COL5A1: variants seen among roughly 807,000 people sequenced by gnomAD.
COL5A1 encodes collagen type V alpha 1 chain.
A neutral mutation model predicts 263.7 loss-of-function variants in COL5A1; 16 were observed. The observed-to-expected ratio is 0.06, with a 90% CI of 0.04 to 0.09. The LOEUF (loss-of-function observed/expected upper bound fraction) is 0.09, where lower values mean the gene tolerates loss of function less well. COL5A1 is among the 10% of genes least tolerant of loss of function. The pLI, the probability that COL5A1 is intolerant of heterozygous loss-of-function variation, is 1.00. For missense variants in COL5A1, 2,036 were observed against 2,540.5 expected, an observed-to-expected ratio of 0.80 and a Z score of 4.27; for synonymous variants, 1,012 against 1,004.5, an observed-to-expected ratio of 1.01 and a Z score of -0.14.
intron 29 of COL5A1, 65 bp from the exon 30 acceptor site, chr9:134,784,924 A>G: frequency 7.5e-7 from 1 of 1,331,782 alleles, no homozygotes; most frequent in Non-Finnish European, 1.1e-6. Context: ...TGCTCTCAGA[A>G]TGGTGGTGGA....
chr9:134,747,961 G>GCGCACATGCATTCATA (rs1471772689), intron 11 of COL5A1, among the ~76,000 whole-genome samples: 1 of 112,090 alleles, frequency 8.9e-6, no homozygotes. Flanking sequence ...GCAGACACAT[G>GCGCACATGCATTCATA]CACACATGCA....
chr9:134,736,006 G>T (rs1206347423), intron 9 of COL5A1, among the ~76,000 whole-genome samples: 3 of 151,562 alleles, frequency 2.0e-5, no homozygotes, highest in African/African-American at 7.3e-5. Flanking sequence ...GGCCCCCCCA[G>T]CCGGGAGTCC....
At chr9:134,768,493 A>G (rs779269669) in intron 25 of COL5A1, 30 bp downstream of exon 25, 2 of 1,609,734 alleles carry the variant, frequency 1.2e-6, no homozygotes, top group Non-Finnish European at 1.7e-6. Context: ...TCATCCCTCC[A>G]TACTCTCCCC....
In COL5A1 at chr9:134,696,140, C is replaced by A. The variant is rs115857823; in HGVS notation, c.278-3769C>A. 0.025 allele frequency among the ~76,000 whole-genome samples: 3,834 copies of A among 152,162 alleles called. 156 individuals carry two copies. Among genetic ancestry groups the A allele is most frequent in the African/African-American group, 0.086 (3,553 of 41,484 alleles). On this transcript the variant is annotated intron_variant, in intron 2 of 65. Coordinates refer to ENST00000371817, the MANE Select transcript of COL5A1 (RefSeq NM_000093.5). This position sits in a 1 kb window ranked among gnomAD's most constrained non-coding sequence, Gnocchi z 4.3. The stretch of plus-strand genomic sequence containing the variant: ...CCTATCCTCTGACCTCTTTCTGCCA[C>A]CCTGCCCCACTGCCCCCTGCATTAT...
chr9:134,740,163 G>C (rs1386958275), intron 11 of COL5A1, among the ~76,000 whole-genome samples: 3 of 152,222 alleles, frequency 2.0e-5, no homozygotes, highest in Non-Finnish European at 4.4e-5. Flanking sequence ...TCCCCGGCCT[G>C]GCAGCCACAT....
At chr9:134,648,469 A>G (rs920967073) in intron 1 of COL5A1, among the ~76,000 whole-genome samples, 4 of 152,086 alleles carry the variant, frequency 2.6e-5, no homozygotes, top group Non-Finnish European at 5.9e-5. Context: ...GGCAGCCGGC[A>G]AGACTCCTGG....
chr9:134,684,025 C>G (rs1433510412), intron 1 of COL5A1, among the ~76,000 whole-genome samples: 1 of 152,168 alleles, frequency 6.6e-6, no homozygotes, highest in Non-Finnish European at 1.5e-5. Flanking sequence ...GGCCCCAGAC[C>G]TCCACTCTCC....
chr9:134,762,199 TC>T (rs1836475377), intron 19 of COL5A1, among the ~76,000 whole-genome samples: 1 of 152,230 alleles, frequency 6.6e-6, no homozygotes, highest in Admixed American at 6.5e-5. Context: ...GTTTAGTTAC[TC>T]CATCGGTCCT....
At chr9:134,646,265 A>G (rs765691873) in intron 1 of COL5A1, among the ~76,000 whole-genome samples, 1 of 152,086 alleles carries the variant, frequency 6.6e-6, no homozygotes, top group Non-Finnish European at 1.5e-5. Context: ...AGGGCCCTCC[A>G]TGGGATGTGC....
intron 5 of COL5A1, among the ~76,000 whole-genome samples, 189 bp downstream of exon 5, chr9:134,727,586 G>A (rs948404734): frequency 6.6e-6 from 1 of 152,186 alleles, no homozygotes; most frequent in African/African-American, 2.4e-5. Context: ...GAATGATAGG[G>A]TCACAGAGTT....
intron 6 of COL5A1, 105 bp from the exon 7 acceptor site, chr9:134,730,131 G>T: frequency 6.5e-7 from 1 of 1,528,652 alleles, no homozygotes; most frequent in Non-Finnish European, 8.9e-7. Flanking sequence ...TGGGCTCCAG[G>T]CGTTGCCACT....
In COL5A1 at chr9:134,777,721, C is replaced by T. The variant is rs186262132; in HGVS notation, c.2386-2381C>T. Among the ~76,000 whole-genome samples the T allele has an allele frequency of 5.9e-4, 90 of 152,268 alleles. No homozygotes were observed. In the East Asian group the frequency reaches 8.5e-3, roughly 14 times the overall value. On this transcript the variant is annotated intron_variant, in intron 27 of 65. Transcript: ENST00000371817. ...GGCATGGGCAGGGAGGGAGCAGCAG[C>T]GTCCCCCAGCCTGCCCAGCCAGAGG... is the stretch of plus-strand genomic sequence containing the variant.
chr9:134,646,289 C>T (rs991156307), intron 1 of COL5A1, among the ~76,000 whole-genome samples: 39 of 152,126 alleles, frequency 2.6e-4, no homozygotes, highest in Middle Eastern at 3.4e-3. Context: ...GTCTTGCATC[C>T]GACAGTCTGG....
intron 18 of COL5A1, among the ~76,000 whole-genome samples, chr9:134,760,254 A>G (rs1254128631): frequency 1.2e-5 from 1 of 82,488 alleles, no homozygotes; most frequent in African/African-American, 5.5e-5. Context: ...ACACCCACAC[A>G]CCCCACACTG....
At chr9:134,774,258 C>T (rs975419328) in intron 26 of COL5A1, among the ~76,000 whole-genome samples, 2 of 152,224 alleles carry the variant, frequency 1.3e-5, no homozygotes, top group African/African-American at 2.4e-5. Context: ...GCCACCAAGC[C>T]CATCCTGCCT....
rs887534623 is a variant in COL5A1, at chr9:134,842,376, C to T, written c.*73C>T. On this transcript the variant is annotated 3_prime_UTR_variant, in exon 66 of 66. Transcript: ENST00000371817. This position sits in a 1 kb window ranked among gnomAD's most constrained non-coding sequence, Gnocchi z 5.8. ...GCCATTCGTTCGTGAGTGTCCCGTGCACGTCCTGACCCTGGACAGTGAAGG... is the reference window on the plus strand; with the variant it reads ...GCCATTCGTTCGTGAGTGTCCCGTGTACGTCCTGACCCTGGACAGTGAAGG... 6.4e-7 allele frequency: 1 copy of T among 1,566,250 alleles called. No individual in the cohort carries two copies. The highest frequency in any genetic ancestry group is 8.7e-7 in the Non-Finnish European group (1 of 1,146,256).
chr9:134,775,919 G>A (rs72774448), intron 27 of COL5A1, among the ~76,000 whole-genome samples: 3,887 of 152,258 alleles, frequency 0.026, 50 homozygotes, highest in East Asian at 0.04. Flanking sequence ...GGAAACTGTC[G>A]TCTGCTCCGA....
At chr9:134,703,422 T>G (rs1218730176) in intron 4 of COL5A1, among the ~76,000 whole-genome samples, 2 of 152,198 alleles carry the variant, frequency 1.3e-5, no homozygotes, top group Non-Finnish European at 2.9e-5. Flanking sequence ...TGCCTCTTGC[T>G]GGTGGGAGGA....
chr9:134,796,284 C>G, intron 34 of COL5A1, 90 bp from the exon 35 acceptor site: 2 of 1,422,902 alleles, frequency 1.4e-6, no homozygotes, highest in East Asian at 2.3e-5. Context: ...CAATATTTGA[C>G]TCAGACGTTT....
Sources: allele counts gnomAD v4.1 joint callset (sites outside exome capture counted in the v4.1 genomes callset), GRCh38; gene constraint gnomAD v4.1.1; non-coding constraint Gnocchi (gnomAD v3.1); transcripts MANE v1.5; gene names NCBI Gene and HGNC (gene_info 2026-07-23, HGNC 2026-07-21).